Variants in SEL1L3 observed in about 807,000 individuals in gnomAD.
SEL1L3 encodes SEL1L family member 3, also known as protein sel-1 homolog 3.
SEL1L3 carries 76 observed loss-of-function variants against 142.8 expected under a neutral mutation model. That is an observed-to-expected ratio of 0.53 (90% CI 0.44 to 0.64). The LOEUF is 0.64. Among genes scored for constraint, SEL1L3 ranks in the 30% least tolerant of loss-of-function variants. SEL1L3 has a pLI of 0.00. For missense variants in SEL1L3, 1,262 were observed against 1,381.7 expected (o/e 0.91, Z 1.37); for synonymous variants, 504 against 519.6 (o/e 0.97, Z 0.41).
chr4:25,756,021 C>T (rs754574464), intron 23 of SEL1L3: 74 of 985,334 alleles, frequency 7.5e-5, no homozygotes, highest in Non-Finnish European at 8.8e-5. Flanking sequence ...TTAACCTCCT[C>T]AGGTAAATCA....
chr4:25,761,013 A>C (rs1718338018), intron 20 of SEL1L3, among the ~76,000 whole-genome samples: 1 of 152,148 alleles, frequency 6.6e-6, no homozygotes, highest in South Asian at 2.1e-4. Context: ...CTCAAATCTT[A>C]AACTCCACCA....
Position 25,782,746 on chromosome 4 carries a change from T to C in SEL1L3, c.2281-328A>G, listed in dbSNP as rs536369662. On this transcript the variant is annotated intron_variant, in intron 14 of 23. Transcript: ENST00000399878. ...GCCTCTGATTGCCCTGCCGCATCAA[T>C]AGTGCCCTTGAAATTCATGAACGCT... 3.3e-5 allele frequency among the ~76,000 whole-genome samples: 5 copies of C among 152,310 alleles called. No individual in the cohort carries two copies. In the South Asian group the frequency reaches 8.3e-4, roughly 25 times the overall value.
intron 1 of SEL1L3, among the ~76,000 whole-genome samples, chr4:25,854,726 T>C (rs1480492062): frequency 6.6e-6 from 1 of 152,254 alleles, no homozygotes; most frequent in Non-Finnish European, 1.5e-5. Context: ...GGCTTGATTC[T>C]GTATTTTTCT....
At chr4:25,798,837 A>G (rs1230050699) in intron 11 of SEL1L3, among the ~76,000 whole-genome samples, 2 of 152,110 alleles carry the variant, frequency 1.3e-5, no homozygotes, top group African/African-American at 4.8e-5. Flanking sequence ...TCAAAAAAAG[A>G]AAAAAGAAAG....
intron 17 of SEL1L3, chr4:25,770,576 C>T (rs1000441149): frequency 6.6e-6 from 1 of 151,822 alleles, no homozygotes; most frequent in African/African-American, 2.4e-5. Flanking sequence ...CCTGTCTCTG[C>T]TAAAAATATA....
At chr4:25,736,213 TTGTGTGTC>T in the SEL1L3 span, among the ~76,000 whole-genome samples, 50 of 130,672 alleles carry the variant, frequency 3.8e-4, 2 homozygotes, top group South Asian at 3.3e-3. Flanking sequence ...TGCCATAAGA[TTGTGTGTC>T]TGTGTGTGTG....
At chr4:25,756,215 G>A (rs1250303149) in intron 23 of SEL1L3, 1 of 985,254 alleles carries the variant, frequency 1.0e-6, no homozygotes, top group Non-Finnish European at 1.2e-6. Context: ...GCCTTCATGA[G>A]TTATTATACC....
intron 16 of SEL1L3, chr4:25,777,901 G>A (rs1167579431): frequency 1.5e-5 from 7 of 455,774 alleles, no homozygotes; most frequent in African/African-American, 4.0e-5. Flanking sequence ...TCTGTAAAGA[G>A]CAGGATAGTA....
Position 25,788,335 on chromosome 4 carries a change from C to T in SEL1L3, c.2106G>A (p.Gly702=), listed in dbSNP as rs367973325. ...CGGGATTCTTGGCCACACCTTGCTG[C>T]CCCCAGAACAGCATCTGGGCCAATC... ...QQRLAQMLFW[G]QQGVAKNPEA... The change falls in exon 13 of 24, where the codon GGG becomes GGA. Residue 702 remains glycine, a synonymous_variant. Coordinates refer to ENST00000399878, the MANE Select transcript of SEL1L3 (RefSeq NM_015187.5). The surrounding 1 kb of genome is among the most constrained non-coding windows in gnomAD (Gnocchi z 5.3). 12 of 1,613,852 alleles carry T rather than the reference C, an allele frequency of 7.4e-6. No individual in the cohort carries two copies. The highest frequency in any genetic ancestry group is 1.0e-5 in the Non-Finnish European group (12 of 1,179,824).
At chr4:25,760,129 T>C (rs946776151) in intron 20 of SEL1L3, among the ~76,000 whole-genome samples, 1 of 152,170 alleles carries the variant, frequency 6.6e-6, no homozygotes, top group African/African-American at 2.4e-5. Flanking sequence ...TATGTGCCCA[T>C]GTGTTCTCAT....
At chr4:25,722,735 A>T in the SEL1L3 span, among the ~76,000 whole-genome samples, 1 of 151,396 alleles carries the variant, frequency 6.6e-6, no homozygotes, top group East Asian at 1.9e-4. Context: ...GGGATTACAG[A>T]CATGAGCCAC....
At position 25,835,847 on chromosome 4, in the gene SEL1L3, G is replaced by C. The variant is rs112126531; in HGVS notation, c.734-524C>G. ...AGAGGCACGGTTGCCAAAATAGTAA[G>C]TAATATTTAGTGTACACCGGCAATA... On this transcript the variant is annotated intron_variant, in intron 2 of 23. Transcript: ENST00000399878. Among the ~76,000 whole-genome samples, 1,091 of 152,330 alleles carry C rather than the reference G, an allele frequency of 7.2e-3. 11 individuals are homozygous for C. The highest frequency in any genetic ancestry group is 0.025 in the African/African-American group (1,036 of 41,566).
intron 11 of SEL1L3, among the ~76,000 whole-genome samples, chr4:25,797,415 T>C (rs1712855540): frequency 1.3e-5 from 2 of 152,146 alleles, no homozygotes; most frequent in Admixed American, 6.5e-5. Context: ...AAATCAGCTA[T>C]AATGTTAGGC....
chr4:25,802,828 G>T (rs1040246826), intron 10 of SEL1L3, among the ~76,000 whole-genome samples: 1 of 152,058 alleles, frequency 6.6e-6, no homozygotes, highest in Non-Finnish European at 1.5e-5. Flanking sequence ...TGATCTACCC[G>T]CCTCGGTTTC....
chr4:25,762,269 T>C lies in SEL1L3; in HGVS notation c.2955+3057A>G, dbSNP rs528646391. Among the ~76,000 whole-genome samples the C allele has an allele frequency of 5.9e-5, 9 of 152,320 alleles. No individual in the cohort carries two copies. The South Asian group carries it at 1.7e-3, about 28-fold the overall frequency. On this transcript the variant is annotated intron_variant, in intron 20 of 23. Coordinates refer to ENST00000399878, the MANE Select transcript of SEL1L3 (RefSeq NM_015187.5). ...CGGCCTCATAAAACCATTTAGACTG[T>C]CTGACTCAATAATACTATTTCTCAG...
At chr4:25,739,031 C>T in the SEL1L3 span, among the ~76,000 whole-genome samples, 5 of 151,792 alleles carry the variant, frequency 3.3e-5, no homozygotes, top group African/African-American at 4.8e-5. Context: ...TGGAGAAACC[C>T]TGTCTCTACT....
chr4:25,798,145 A>C (rs1712915767), intron 11 of SEL1L3, among the ~76,000 whole-genome samples: 1 of 152,172 alleles, frequency 6.6e-6, no homozygotes, highest in African/African-American at 2.4e-5. Flanking sequence ...CTCATACGGC[A>C]TCCGATGAGC....
At chr4:25,778,960 A>T in intron 16 of SEL1L3, 116 bp downstream of exon 16, 1 of 813,224 alleles carries the variant, frequency 1.2e-6, no homozygotes, top group Non-Finnish European at 1.8e-6. Context: ...CATGACTTTT[A>T]AAACTACATG....
At position 25,860,041 on chromosome 4, in the gene SEL1L3, A is replaced by G. The variant is rs561840004; in HGVS notation, c.162+2634T>C. The stretch of plus-strand genomic sequence containing the variant: ...GGTTTAGAGCTGGGGCTCTGGAGGG[A>G]GACAGATTTGGGTTTCAATCTCAGA... On this transcript the variant is annotated intron_variant, in intron 1 of 23. Transcript: ENST00000399878. Among the ~76,000 whole-genome samples, 9 of 152,254 alleles carry G rather than the reference A, an allele frequency of 5.9e-5. No individual in the cohort carries two copies. The East Asian group carries it at 1.7e-3, about 29-fold the overall frequency.
Sources: allele counts gnomAD v4.1 joint callset (sites outside exome capture counted in the v4.1 genomes callset), GRCh38; gene constraint gnomAD v4.1.1; non-coding constraint Gnocchi (gnomAD v3.1); transcripts MANE v1.5; gene names NCBI Gene and HGNC (gene_info 2026-07-23, HGNC 2026-07-21).